Variants in PPOX observed in about 807,000 individuals in gnomAD.
PPOX encodes variegate porphyria.
PPOX carries 23 observed loss-of-function variants against 54.1 expected under a neutral mutation model. The ratio of observed to expected loss-of-function variants is 0.43; its 90% CI spans 0.31 to 0.60. The LOEUF (loss-of-function observed/expected upper bound fraction) is 0.60, where lower values mean the gene tolerates loss of function less well. Ranked by LOEUF, PPOX falls within the 20% of genes least tolerant of loss-of-function variation. The pLI, the probability that PPOX is intolerant of heterozygous loss-of-function variation, is 0.13. For synonymous variants in PPOX, 224 were observed against 236.1 expected (o/e 0.95, Z 0.47); for missense variants, 512 against 601.1 (o/e 0.85, Z 1.55).
At chr1:161,173,585 G>A (rs778206692), downstream of PPOX, 19 of 1,613,196 alleles carry the variant, frequency 1.2e-5, no homozygotes, top group Non-Finnish European at 1.6e-5. Context: ...CAGGAGGGAG[G>A]AAGTGGCAGG....
chr1:161,169,198 G>T lies in PPOX; in HGVS notation c.807+15G>T. The T allele has an allele frequency of 6.2e-7, 1 of 1,612,566 alleles. No homozygotes were observed. Among genetic ancestry groups the T allele is most frequent in the Non-Finnish European group, 8.5e-7 (1 of 1,179,890 alleles). ...GGCGCTGGAAGGTAGGGGAACCCCT[G>T]GAGTGTAATGAACCTGTCAGTGTTT... On this transcript the variant is annotated intron_variant, in intron 7 of 12. Transcript: ENST00000367999.
chr1:161,167,429 C>T lies in PPOX; in HGVS notation c.281C>T (p.Ala94Val), dbSNP rs1558021850. Residue 94 changes from alanine to valine, a missense_variant, in exon 4 of 13, where the codon GCC becomes GTC. By Grantham distance (64) the Ala-to-Val change is moderately conservative. Coordinates refer to ENST00000367999, the MANE Select transcript of PPOX (RefSeq NM_001122764.3). ...CCTGTCCGGGGAGACCACCCAGCTG[C>T]CCAGAACAGGTTCCTCTACGTGGGC... ...VLPVRGDHPA[A>V]QNRFLYVGGA... 3.1e-6 allele frequency: 5 copies of T among 1,613,684 alleles called. No homozygotes were observed. Among genetic ancestry groups the T allele is most frequent in the Non-Finnish European group, 4.2e-6 (5 of 1,180,028 alleles).
intron 4 of PPOX, 163 bp downstream of exon 4, chr1:161,167,649 C>T: frequency 9.6e-7 from 1 of 1,040,248 alleles, no homozygotes; most frequent in Non-Finnish European, 1.3e-6. Flanking sequence ...ACTGCAACTT[C>T]CGCCTTTCGG....
chr1:161,166,124 C>CCAAAGCT, upstream of PPOX: 2 of 985,406 alleles, frequency 2.0e-6, no homozygotes, highest in Non-Finnish European at 2.4e-6. Flanking sequence ...CTCCCTACGA[C>CCAAAGCT]CAAAGCTCCT....
chr1:161,169,303 C>A, intron 7 of PPOX, 120 bp downstream of exon 7: 1 of 1,224,384 alleles, frequency 8.2e-7, no homozygotes, highest in South Asian at 1.3e-5. Context: ...TTAGAAGCTA[C>A]TTAGACATGG....
intron 5 of PPOX, 25 bp from the exon 6 acceptor site, chr1:161,168,407 C>T (rs1659885266): frequency 6.2e-7 from 1 of 1,613,998 alleles, no homozygotes; most frequent in Non-Finnish European, 8.5e-7. Flanking sequence ...TTTTTTCGCT[C>T]CTTAGTCCTA....
At chr1:161,171,622 C>T (rs977576096), downstream of PPOX, 3 of 700,126 alleles carry the variant, frequency 4.3e-6, no homozygotes, top group Non-Finnish European at 7.0e-6. Flanking sequence ...CTACAGGAGA[C>T]CCTAGAGAGA....
rs1385399977 is a variant in PPOX, at chr1:161,168,998, A to G, written c.622A>G (p.Thr208Ala). Residue 208 changes from threonine (T) to alanine (A), a missense_variant, in exon 7 of 13, where the codon ACC becomes GCC. Physicochemically the swap from Thr to Ala is moderately conservative, Grantham distance 58. Coordinates refer to ENST00000367999, the MANE Select transcript of PPOX (RefSeq NM_001122764.3). ...LLGLLLGAGR[T>A]PQPDSALIRQ... ...CTTCTTTGCTTCCTCTGCAGGGCGG[A>G]CCCCACAGCCAGACTCAGCACTCAT... is the stretch of plus-strand genomic sequence containing the variant. 1 of 1,613,836 alleles carries G rather than the reference A, an allele frequency of 6.2e-7. No individual in the cohort carries two copies. Among genetic ancestry groups the G allele is most frequent in the Admixed American group, 1.7e-5 (1 of 60,008 alleles).
chr1:161,171,892 A>G, downstream of PPOX: 1 of 1,614,192 alleles, frequency 6.2e-7, no homozygotes. Flanking sequence ...GCGTTGCAGC[A>G]TCTCTTGACG....
chr1:161,167,202 G>C lies in PPOX; in HGVS notation c.190G>C (p.Ala64Pro). Reference sequence around the variant, plus strand: ...GCTTGGACCTCGGGGAATTAGGCCAGCGGGAGCCCTAGGGGCCCGGACCTT... The same window carrying C: ...GCTTGGACCTCGGGGAATTAGGCCACCGGGAGCCCTAGGGGCCCGGACCTT... ...FELGPRGIRP[A>P]GALGARTLLL... Residue 64 changes from alanine (A) to proline (P), a missense_variant, in exon 3 of 13, where the codon GCG (alanine) becomes CCG (proline). Ala to Pro is a conservative substitution (Grantham distance 27, BLOSUM62 -1). Coordinates refer to ENST00000367999, the MANE Select transcript of PPOX (RefSeq NM_001122764.3). The C allele has an allele frequency of 6.2e-7, 1 of 1,614,212 alleles. No individual in the cohort carries two copies. Among genetic ancestry groups the C allele is most frequent in the Non-Finnish European group, 8.5e-7 (1 of 1,180,032 alleles).
intron 4 of PPOX, chr1:161,176,579 G>A (rs1663607871): frequency 4.0e-6 from 2 of 503,984 alleles, no homozygotes. Context: ...TCTGGGACCA[G>A]CTGGAACAGA....
At chr1:161,177,135 G>A (rs1030954842), downstream of PPOX, 32 of 1,471,842 alleles carry the variant, frequency 2.2e-5, no homozygotes, top group Non-Finnish European at 2.7e-5. Context: ...GGAGAGCAGG[G>A]GCAGAGACAG....
At chr1:161,167,959 A>G in intron 4 of PPOX, 36 bp from the exon 5 acceptor site, 1 of 1,613,854 alleles carries the variant, frequency 6.2e-7, no homozygotes, top group East Asian at 2.2e-5. Flanking sequence ...GAGGTATGTC[A>G]GGAGCTTCCC....
chr1:161,167,307 A>G (rs759875290), intron 3 of PPOX, 64 bp from the exon 4 acceptor site: 11 of 1,613,684 alleles, frequency 6.8e-6, no homozygotes, highest in Non-Finnish European at 9.3e-6. Context: ...TTAGGGGAGG[A>G]AGTATGTTTG....
At chr1:161,177,925 G>C (rs1664142195), downstream of PPOX, 2 of 152,204 alleles carry the variant, frequency 1.3e-5, no homozygotes, top group South Asian at 4.1e-4. Flanking sequence ...CAGCGTTGCG[G>C]ACCGCTCTAG....
Position 161,166,566 on chromosome 1 carries a change from T to C in PPOX, c.-115T>C. 7.1e-7 allele frequency: 1 copy of C among 1,404,486 alleles called. No individual in the cohort carries two copies. Among genetic ancestry groups the C allele is most frequent in the Non-Finnish European group, 9.3e-7 (1 of 1,080,040 alleles). The allele number at this position is 1,404,486 out of a possible 1,614,324, so 87.0% of individuals were successfully genotyped here. A position where few individuals can be genotyped will look rare whatever the true frequency, so the allele number is the denominator to read the frequency against. ...GCCGCCCGAGCCCTGCGAGGGCCGA[T>C]AGCGAGGGTGTGGCCCTTATCTGCA... On this transcript the variant is annotated 5_prime_UTR_variant, in exon 1 of 13. Transcript: ENST00000367999.
chr1:161,174,236 T>A (rs1315884188), downstream of PPOX, among the ~76,000 whole-genome samples: 2 of 151,806 alleles, frequency 1.3e-5, no homozygotes, highest in African/African-American at 4.8e-5. Context: ...TAAAACCCCA[T>A]CTCTACTAAA....
downstream of PPOX, chr1:161,174,846 A>G (rs1571504259): frequency 2.6e-6 from 2 of 774,614 alleles, no homozygotes; most frequent in East Asian, 5.3e-5. Context: ...CAAAGTTGGA[A>G]GAGCAGTGCC....
At position 161,168,424 on chromosome 1, in the gene PPOX, C is replaced by T; in HGVS notation, c.472-8C>T. On this transcript the variant is annotated splice_region_variant and splice_polypyrimidine_tract_variant and intron_variant, in intron 5 of 12. Transcript: ENST00000367999. ...TTTTCGCTCCTTAGTCCTAGTCTCA[C>T]CCTTAAGGTGGCGTCTCTAGCCATG... 3 of 1,614,128 alleles carry T rather than the reference C, an allele frequency of 1.9e-6. No individual in the cohort carries two copies. The highest frequency in any genetic ancestry group is 2.5e-6 in the Non-Finnish European group (3 of 1,180,024).
Sources: allele counts gnomAD v4.1 joint callset (sites outside exome capture counted in the v4.1 genomes callset), GRCh38; gene constraint gnomAD v4.1.1; transcripts MANE v1.5; gene names NCBI Gene and HGNC (gene_info 2026-07-23, HGNC 2026-07-21).